The following SAP130 variants were observed in gnomAD, a reference collection of about 807,000 sequenced individuals.
SAP130 encodes histone deacetylase complex subunit SAP130.
Under a neutral mutation model 103.2 loss-of-function variants are expected in SAP130, and 16 were observed. That is an observed-to-expected ratio of 0.16 (90% CI 0.10 to 0.24). The LOEUF is 0.24. Ranked by LOEUF, SAP130 falls within the 10% of genes least tolerant of loss-of-function variation. The probability of loss-of-function intolerance (pLI) is 1.00; values close to 1 mark genes in which losing one functional copy is unlikely to be tolerated. For missense variants in SAP130, 990 were observed against 1,359.7 expected, an observed-to-expected ratio of 0.73 and a Z score of 4.28; for synonymous variants, 477 against 497.0, an observed-to-expected ratio of 0.96 and a Z score of 0.53.
In SAP130 at chr2:127,942,233, G is replaced by T; in HGVS notation, c.3016-69C>A. The T allele has an allele frequency of 6.9e-7, 1 of 1,444,874 alleles. No individual in the cohort carries two copies. The highest frequency in any genetic ancestry group is 9.4e-7 in the Non-Finnish European group (1 of 1,064,136). 89.5% of individuals were successfully genotyped at this position (1,444,874 alleles called of 1,614,324 possible). Reference sequence around the variant, plus strand: ...TAGTACAGCTTTTAAAAAACTGCTTGCCTTTGGGCAGAGGCCATGTTGAGG... The same window carrying T: ...TAGTACAGCTTTTAAAAAACTGCTTTCCTTTGGGCAGAGGCCATGTTGAGG... On this transcript the variant is annotated intron_variant, in intron 20 of 20. Coordinates refer to ENST00000643581, the MANE Select transcript of SAP130 (RefSeq NM_001330301.2). The surrounding 1 kb of genome is among the most constrained non-coding windows in gnomAD (Gnocchi z 4.8).
chr2:127,988,117 A>G (rs1479702263), intron 13 of SAP130, among the ~76,000 whole-genome samples: 1 of 152,234 alleles, frequency 6.6e-6, no homozygotes, highest in Non-Finnish European at 1.5e-5. Context: ...CAAGGTCTAC[A>G]GAACAATTAA....
chr2:127,996,339 C>T lies in SAP130; in HGVS notation c.1355+11G>A, dbSNP rs199983644. The T allele has an allele frequency of 2.5e-6, 4 of 1,582,624 alleles. No individual in the cohort carries two copies. The African/African-American group carries it at 4.1e-5, about 16-fold the overall frequency. ...ACAGTGAGGCAGAATAACTGACACA[C>T]AGCCTCCTACCTGTTGTCACTTCGG... On this transcript the variant is annotated intron_variant, in intron 11 of 20. Transcript: ENST00000643581. This position sits in a 1 kb window ranked among gnomAD's most constrained non-coding sequence, Gnocchi z 4.3.
chr2:127,974,951 C>T (rs917365514), intron 15 of SAP130, among the ~76,000 whole-genome samples: 1 of 152,162 alleles, frequency 6.6e-6, no homozygotes, highest in African/African-American at 2.4e-5. Context: ...ACCACATAGT[C>T]TAGGTATGCA....
At chr2:128,026,624 T>C (rs889525051) in intron 1 of SAP130, among the ~76,000 whole-genome samples, 1 of 152,200 alleles carries the variant, frequency 6.6e-6, no homozygotes, top group African/African-American at 2.4e-5. Flanking sequence ...TATTTCTCTG[T>C]GTAAAGTTTT....
At chr2:128,026,339 G>T in intron 1 of SAP130, 41 bp from the exon 2 acceptor site, 1 of 1,385,230 alleles carries the variant, frequency 7.2e-7, no homozygotes, top group Non-Finnish European at 1.0e-6. Context: ...TAGATTCTGA[G>T]ATCTGAATCA....
chr2:127,943,891 T>C (rs1678879652), intron 19 of SAP130, among the ~76,000 whole-genome samples: 1 of 152,268 alleles, frequency 6.6e-6, no homozygotes, highest in African/African-American at 2.4e-5. Context: ...CTTTTTACTT[T>C]ATAAACTTTT....
intron 16 of SAP130, among the ~76,000 whole-genome samples, chr2:127,951,226 T>C (rs1219581529): frequency 6.6e-6 from 1 of 152,212 alleles, no homozygotes; most frequent in Non-Finnish European, 1.5e-5. Context: ...AAGCATGTGT[T>C]GTGAGGACGT....
At chr2:127,991,852 A>C in intron 12 of SAP130, among the ~76,000 whole-genome samples, 1 of 152,234 alleles carries the variant, frequency 6.6e-6, no homozygotes, top group East Asian at 1.9e-4. Flanking sequence ...TTAACAATCG[A>C]GTTTTTCATG....
chr2:127,963,596 T>G (rs546986578), intron 15 of SAP130, among the ~76,000 whole-genome samples: 76 of 152,060 alleles, frequency 5.0e-4, no homozygotes, highest in African/African-American at 1.7e-3. Flanking sequence ...TGTGTTATGG[T>G]TTGGCTCTGT....
Position 128,010,254 on chromosome 2 carries a change from A to T in SAP130, c.869+15T>A. The T allele has an allele frequency of 6.2e-7, 1 of 1,600,570 alleles. No homozygotes were observed. The highest frequency in any genetic ancestry group is 8.5e-7 in the Non-Finnish European group (1 of 1,171,850). ...GATGGCAGGAAGGTTCAAACTTCAT[A>T]CTCCCCATGTATACCTAAGTGCTGA... On this transcript the variant is annotated intron_variant, in intron 7 of 20. Transcript: ENST00000643581.
At chr2:127,972,506 C>T (rs963983884) in intron 15 of SAP130, among the ~76,000 whole-genome samples, 5 of 152,178 alleles carry the variant, frequency 3.3e-5, no homozygotes, top group Middle Eastern at 3.4e-3. Flanking sequence ...CCCTGTAATC[C>T]CAGCACTTTG....
chr2:127,982,597 G>A (rs1444254800), intron 14 of SAP130, among the ~76,000 whole-genome samples: 1 of 152,230 alleles, frequency 6.6e-6, no homozygotes, highest in Non-Finnish European at 1.5e-5. Flanking sequence ...TGGTGCAAGA[G>A]AGTATACTTT....
Position 128,006,237 on chromosome 2 carries a change from C to T in SAP130, c.869+4032G>A, listed in dbSNP as rs146393573. On this transcript the variant is annotated intron_variant, in intron 7 of 20. Transcript: ENST00000643581. The stretch of plus-strand genomic sequence containing the variant: ...TATAAATGGGAAATGATTCTCAGCA[C>T]GTAAACTTTCAAAATATTGGTGCTT... 5.7e-4 allele frequency among the ~76,000 whole-genome samples: 87 copies of T among 152,130 alleles called. 1 individual carries two copies. In the South Asian group the frequency reaches 6.4e-3, roughly 11 times the overall value.
Position 127,978,094 on chromosome 2 carries a change from A to G in SAP130, c.1959-5T>C. Reference sequence around the variant, plus strand: ...AGGGTTTTCCGAACTGCCATTCTGAAAGAGACAAGAGACAAACCCGGAGAA... The same window carrying G: ...AGGGTTTTCCGAACTGCCATTCTGAGAGAGACAAGAGACAAACCCGGAGAA... On this transcript the variant is annotated splice_region_variant and splice_polypyrimidine_tract_variant and intron_variant, in intron 14 of 20. Coordinates refer to ENST00000643581, the MANE Select transcript of SAP130 (RefSeq NM_001330301.2). 6.5e-7 allele frequency: 1 copy of G among 1,546,832 alleles called. No individual in the cohort carries two copies. The highest frequency in any genetic ancestry group is 1.2e-5 in the South Asian group (1 of 83,948).
At chr2:128,001,183 G>T (rs1025308530) in intron 7 of SAP130, among the ~76,000 whole-genome samples, 2 of 152,304 alleles carry the variant, frequency 1.3e-5, no homozygotes, top group African/African-American at 4.8e-5. Context: ...TTAATTGGTA[G>T]CAAGCTACTG....
intron 14 of SAP130, among the ~76,000 whole-genome samples, chr2:127,981,276 C>T (rs943044016): frequency 1.3e-5 from 2 of 151,594 alleles, no homozygotes; most frequent in African/African-American, 4.9e-5. Flanking sequence ...CACCTGTACC[C>T]GACTCAGCAC....
Position 127,961,688 on chromosome 2 carries a change from C to T in SAP130, c.2064-6344G>A, listed in dbSNP as rs138162412. ...GGAATATTTGGAGGCGGAAGGTGAG[C>T]GGAATGCACGCACTTCCCCAGGCTC... On this transcript the variant is annotated intron_variant, in intron 15 of 20. Coordinates refer to ENST00000643581, the MANE Select transcript of SAP130 (RefSeq NM_001330301.2). Among the ~76,000 whole-genome samples the T allele has an allele frequency of 3.4e-4, 52 of 152,172 alleles. 1 individual carries two copies. In the South Asian group the frequency reaches 6.4e-3, roughly 19 times the overall value.
intron 14 of SAP130, among the ~76,000 whole-genome samples, chr2:127,980,506 C>T (rs1210105895): frequency 6.6e-6 from 1 of 152,014 alleles, no homozygotes; most frequent in East Asian, 1.9e-4. Context: ...ATAGCAAATC[C>T]CTCAGTATTT....
In SAP130 at chr2:127,942,031, T is replaced by C. The variant is rs763095101; in HGVS notation, c.3149A>G (p.Lys1050Arg). 1.9e-6 allele frequency: 3 copies of C among 1,599,782 alleles called. No homozygotes were observed. The highest frequency in any genetic ancestry group is 1.7e-5 in the Admixed American group (1 of 57,992). ...CTAGACTTTTTCCTTTCGCTTCAAT[T>C]TGGACACTTTTTTGACAGTCCCGTT... ...NKNGTVKKVS[K>R]LKRKEKV The change falls in exon 21 of 21, where the codon AAA becomes AGA. Residue 1050 changes from lysine (K) to arginine (R), a missense_variant. This residue lies in a region of SAP130 where 69 missense variants were observed against 165.7 expected (regional missense o/e 0.42). Transcript: ENST00000643581. The surrounding 1 kb of genome is among the most constrained non-coding windows in gnomAD (Gnocchi z 4.8).
Sources: allele counts gnomAD v4.1 joint callset (sites outside exome capture counted in the v4.1 genomes callset), GRCh38; gene constraint gnomAD v4.1.1; regional missense constraint gnomAD v4.1.1; non-coding constraint Gnocchi (gnomAD v3.1); transcripts MANE v1.5; gene names NCBI Gene and HGNC (gene_info 2026-07-23, HGNC 2026-07-21).